Variants in RBPJ observed in about 807,000 individuals in gnomAD.
RBPJ encodes recombination signal binding protein for immunoglobulin kappa J region, also known as recombining binding protein suppressor of hairless.
A neutral mutation model predicts 67.8 loss-of-function variants in RBPJ; 9 were observed. The observed-to-expected ratio is 0.13, with a 90% CI of 0.08 to 0.23. The LOEUF (loss-of-function observed/expected upper bound fraction) is 0.23, where lower values mean the gene tolerates loss of function less well. Among genes scored for constraint, RBPJ ranks in the 10% least tolerant of loss-of-function variants. The probability of loss-of-function intolerance (pLI) is 1.00; values close to 1 mark genes in which losing one functional copy is unlikely to be tolerated. For missense variants in RBPJ, 305 were observed against 595.6 expected (o/e 0.51, Z 5.08); for synonymous variants, 198 against 203.3 (o/e 0.97, Z 0.22).
chr4:26,407,357 T>G (rs187583471), intron 3 of RBPJ, among the ~76,000 whole-genome samples: 9 of 152,312 alleles, frequency 5.9e-5, no homozygotes, highest in Admixed American at 3.3e-4. Flanking sequence ...AAAACTGGGT[T>G]CATACTCTCA....
chr4:26,392,956 C>T (rs948131417), intron 2 of RBPJ, among the ~76,000 whole-genome samples: 19 of 152,152 alleles, frequency 1.2e-4, no homozygotes, highest in South Asian at 6.2e-4. Context: ...TTGTTTGAGA[C>T]GGAGTCTTGC....
the RBPJ span, among the ~76,000 whole-genome samples, chr4:26,122,442 A>G: frequency 6.6e-6 from 1 of 152,240 alleles, no homozygotes; most frequent in African/African-American, 2.4e-5. Flanking sequence ...AGCGACAATT[A>G]GAATGTGGGT....
chr4:26,138,526 T>C, the RBPJ span, among the ~76,000 whole-genome samples: 8 of 152,322 alleles, frequency 5.3e-5, no homozygotes, highest in East Asian at 1.5e-3. Context: ...CCTGGGGATG[T>C]CTATCCTTTC....
At chr4:26,312,451 C>G (rs947349056) in intron 1 of RBPJ, among the ~76,000 whole-genome samples, 7 of 152,304 alleles carry the variant, frequency 4.6e-5, no homozygotes, top group African/African-American at 1.4e-4. Context: ...TCTTATGACC[C>G]TGCTTAGAAT....
At chr4:26,214,970 G>GGAA (rs148783469) in intron 1 of RBPJ, among the ~76,000 whole-genome samples, 2,684 of 16,060 alleles carry the variant, frequency 0.17, 173 homozygotes, top group East Asian at 0.47. Context: ...GAGGGAGGGA[G>GGAA]GGAGGGAAGG....
chr4:26,177,091 CGCTCCTAGATATTCATAAGCCTTCATAA>C (rs1324516067), intron 1 of RBPJ, among the ~76,000 whole-genome samples: 2 of 152,064 alleles, frequency 1.3e-5, no homozygotes, highest in Non-Finnish European at 2.9e-5. Context: ...GGGTGTGTGC[CGCTCCTAGATATTCATAAGCCTTCATAA>C]GCTCCTAGAT....
the RBPJ span, among the ~76,000 whole-genome samples, chr4:26,118,358 T>C: frequency 6.6e-6 from 1 of 152,206 alleles, no homozygotes; most frequent in African/African-American, 2.4e-5. Flanking sequence ...TCCTACAGCA[T>C]TAATCATTCA....
intron 1 of RBPJ, among the ~76,000 whole-genome samples, chr4:26,226,469 T>C (rs1241266393): frequency 6.6e-6 from 1 of 152,118 alleles, no homozygotes; most frequent in East Asian, 1.9e-4. Flanking sequence ...AATGAGGACC[T>C]GTCTCAAGGA....
the RBPJ span, among the ~76,000 whole-genome samples, chr4:26,141,145 T>G: frequency 6.6e-6 from 1 of 152,344 alleles, no homozygotes; most frequent in Non-Finnish European, 1.5e-5. Flanking sequence ...ACCTACTTTC[T>G]GGGCTGTGCT....
At chr4:26,215,244 AAAGT>A (rs1387205763) in intron 1 of RBPJ, among the ~76,000 whole-genome samples, 5 of 13,962 alleles carry the variant, frequency 3.6e-4, no homozygotes, top group Admixed American at 1.0e-3. Context: ...AGAAAGAAAG[AAAGT>A]AAGAAAGAAA....
chr4:26,354,150 C>G (rs1727102444), intron 1 of RBPJ, among the ~76,000 whole-genome samples: 1 of 151,208 alleles, frequency 6.6e-6, no homozygotes, highest in South Asian at 2.1e-4. Context: ...CCAGGATGGT[C>G]TCGATCTCCT....
chr4:26,385,791 T>C (rs1730853502), intron 1 of RBPJ, among the ~76,000 whole-genome samples: 3 of 150,728 alleles, frequency 2.0e-5, no homozygotes, highest in Admixed American at 6.6e-5. Context: ...TTTAATATAT[T>C]ATTTATTTAT....
intron 4 of RBPJ, among the ~76,000 whole-genome samples, chr4:26,416,378 C>T (rs1032215903): frequency 6.6e-6 from 1 of 152,066 alleles, no homozygotes; most frequent in Admixed American, 6.5e-5. Flanking sequence ...AGGTGTGTGT[C>T]ACTATGTCCA....
chr4:26,266,946 T>C (rs542078321), intron 1 of RBPJ, among the ~76,000 whole-genome samples: 1 of 152,346 alleles, frequency 6.6e-6, no homozygotes, highest in African/African-American at 2.4e-5. Context: ...TCTTGTCACC[T>C]TATTGCAAAA....
intron 1 of RBPJ, among the ~76,000 whole-genome samples, chr4:26,177,149 A>C (rs1394759850): frequency 6.6e-6 from 1 of 152,102 alleles, no homozygotes. Context: ...CCTCCCGGGG[A>C]GAATTACTGT....
chr4:26,240,262 C>T (rs1388086009), intron 1 of RBPJ, among the ~76,000 whole-genome samples: 1 of 152,194 alleles, frequency 6.6e-6, no homozygotes, highest in African/African-American at 2.4e-5. Flanking sequence ...TTTCATTTAA[C>T]AACTCTACTT....
the RBPJ span, among the ~76,000 whole-genome samples, chr4:26,141,010 G>T: frequency 6.6e-6 from 1 of 152,104 alleles, no homozygotes; most frequent in African/African-American, 2.4e-5. Context: ...TGTTAAGATG[G>T]TTAAGAATCC....
intron 1 of RBPJ, among the ~76,000 whole-genome samples, chr4:26,252,546 A>T (rs542213256): frequency 6.6e-5 from 10 of 152,300 alleles, no homozygotes; most frequent in African/African-American, 2.2e-4. Flanking sequence ...GGATTGTGTC[A>T]TTGCATTCCA....
chr4:26,219,599 T>C (rs1560216499), intron 1 of RBPJ, among the ~76,000 whole-genome samples: 1 of 152,218 alleles, frequency 6.6e-6, no homozygotes, highest in Non-Finnish European at 1.5e-5. Flanking sequence ...GTGAACTCTT[T>C]GTGTAGCAAA....
Sources: allele counts gnomAD v4.1 joint callset (sites outside exome capture counted in the v4.1 genomes callset), GRCh38; gene constraint gnomAD v4.1.1; transcripts MANE v1.5; gene names NCBI Gene and HGNC (gene_info 2026-07-23, HGNC 2026-07-21).